Variants in KCNH7 observed in about 807,000 individuals in gnomAD.
The protein encoded by KCNH7 is potassium voltage-gated channel subfamily H member 7.
A neutral mutation model predicts 120.8 loss-of-function variants in KCNH7; 49 were observed. The observed-to-expected ratio is 0.41, with a 90% CI of 0.32 to 0.51. The LOEUF (loss-of-function observed/expected upper bound fraction) is 0.51, where lower values mean the gene tolerates loss of function less well. Among genes scored for constraint, KCNH7 ranks in the 20% least tolerant of loss-of-function variants. The pLI is 0.38. For synonymous variants in KCNH7, 547 were observed against 516.1 expected, an observed-to-expected ratio of 1.06 and a Z score of -0.81; for missense variants, 1,097 against 1,446.6, an observed-to-expected ratio of 0.76 and a Z score of 3.92.
chr2:162,431,427 C>T (rs1003343338), intron 8 of KCNH7, among the ~76,000 whole-genome samples: 1 of 151,832 alleles, frequency 6.6e-6, no homozygotes, highest in Non-Finnish European at 1.5e-5. Flanking sequence ...TTAGATTTAA[C>T]TGGGAATATC....
At chr2:162,749,387 C>T (rs1043418218) in intron 2 of KCNH7, among the ~76,000 whole-genome samples, 1 of 152,050 alleles carries the variant, frequency 6.6e-6, no homozygotes, top group Non-Finnish European at 1.5e-5. Context: ...ATTAGATACT[C>T]CTCTAGATTC....
At chr2:162,457,553 A>G (rs1412385238) in intron 6 of KCNH7, among the ~76,000 whole-genome samples, 4 of 152,296 alleles carry the variant, frequency 2.6e-5, no homozygotes, top group Admixed American at 2.6e-4. Flanking sequence ...AAACAGAACT[A>G]TTTATTCAAT....
intron 2 of KCNH7, among the ~76,000 whole-genome samples, chr2:162,551,166 G>A (rs748166993): frequency 4.6e-5 from 7 of 152,094 alleles, no homozygotes; most frequent in Non-Finnish European, 8.8e-5. Flanking sequence ...ATCAGAAGGC[G>A]AGTTCTTAAT....
chr2:162,601,399 CTTTTTT>C (rs60201823), intron 2 of KCNH7, among the ~76,000 whole-genome samples: 12 of 9,602 alleles, frequency 1.2e-3, no homozygotes, highest in Admixed American at 8.6e-3. Flanking sequence ...ACTTCTTGTG[CTTTTTT>C]TTTTTTTTTT....
At chr2:162,536,002 C>G (rs992110676) in intron 3 of KCNH7, among the ~76,000 whole-genome samples, 1 of 151,656 alleles carries the variant, frequency 6.6e-6, no homozygotes, top group African/African-American at 2.4e-5. Context: ...GCACTATACA[C>G]CAAAATAAGC....
intron 3 of KCNH7, among the ~76,000 whole-genome samples, chr2:162,524,414 G>T (rs1558994058): frequency 1.3e-5 from 2 of 151,994 alleles, no homozygotes; most frequent in Admixed American, 6.6e-5. Flanking sequence ...TGGAACAGCT[G>T]GTATTTCCAG....
intron 2 of KCNH7, among the ~76,000 whole-genome samples, chr2:162,567,884 C>A (rs1485966): frequency 0.52 from 78,549 of 151,852 alleles, 20,554 homozygotes; most frequent in Middle Eastern, 0.62. Flanking sequence ...CATATTTTTA[C>A]TGCACATTTT....
At chr2:162,422,935 A>T (rs1027673402) in intron 9 of KCNH7, among the ~76,000 whole-genome samples, 1 of 152,104 alleles carries the variant, frequency 6.6e-6, no homozygotes, top group African/African-American at 2.4e-5. Context: ...TTAACCTGGG[A>T]TCTCTGTTTG....
At chr2:162,733,947 T>C (rs1687815408) in intron 2 of KCNH7, among the ~76,000 whole-genome samples, 1 of 152,328 alleles carries the variant, frequency 6.6e-6, no homozygotes, top group Non-Finnish European at 1.5e-5. Flanking sequence ...CTTTACCTCA[T>C]TTAAACCACC....
chr2:162,531,863 G>A lies in KCNH7; in HGVS notation c.463+5062C>T, dbSNP rs1012799726. 4.6e-5 allele frequency among the ~76,000 whole-genome samples: 7 copies of A among 152,032 alleles called. No individual in the cohort carries two copies. The South Asian group carries it at 1.2e-3, about 27-fold the overall frequency. On this transcript the variant is annotated intron_variant, in intron 3 of 15. Coordinates refer to ENST00000332142, the MANE Select transcript of KCNH7 (RefSeq NM_033272.4). ...TAAGAAAAATTATCAGCTGAGGTAT[G>A]TTTGATTTGGTATTATACTTAGGTT... is the stretch of plus-strand genomic sequence containing the variant.
chr2:162,523,334 C>G (rs1345082564), intron 3 of KCNH7, among the ~76,000 whole-genome samples: 1 of 151,888 alleles, frequency 6.6e-6, no homozygotes, highest in Non-Finnish European at 1.5e-5. Flanking sequence ...CTAAGATCCC[C>G]TAAGATTAGT....
chr2:162,491,448 C>G (rs1360477183), intron 6 of KCNH7, among the ~76,000 whole-genome samples: 1 of 152,128 alleles, frequency 6.6e-6, no homozygotes, highest in Non-Finnish European at 1.5e-5. Flanking sequence ...GAGGGGGACC[C>G]AGCTCCACAG....
chr2:162,541,911 G>C (rs568081024), intron 2 of KCNH7, among the ~76,000 whole-genome samples: 1 of 152,208 alleles, frequency 6.6e-6, no homozygotes, highest in Admixed American at 6.5e-5. Context: ...ATTTCAAAAG[G>C]AGGACTTGAG....
chr2:162,653,962 C>T (rs1684653765), intron 2 of KCNH7, among the ~76,000 whole-genome samples: 1 of 151,998 alleles, frequency 6.6e-6, no homozygotes, highest in Non-Finnish European at 1.5e-5. Context: ...TAAAATTAGA[C>T]CCTTAAATCA....
chr2:162,635,348 T>G (rs1683917589), intron 2 of KCNH7, among the ~76,000 whole-genome samples: 1 of 152,038 alleles, frequency 6.6e-6, no homozygotes, highest in African/African-American at 2.4e-5. Flanking sequence ...AATAAATAAT[T>G]ATAATAATAA....
chr2:162,372,143 T>C (rs767329936), intron 15 of KCNH7, 48 bp from the exon 16 acceptor site: 21 of 1,438,080 alleles, frequency 1.5e-5, no homozygotes, highest in Admixed American at 1.4e-4. Context: ...CATTGATAGA[T>C]AGTCATTGAA....
intron 2 of KCNH7, among the ~76,000 whole-genome samples, chr2:162,623,781 GT>G (rs564743538): frequency 4.7e-4 from 72 of 152,208 alleles, no homozygotes; most frequent in African/African-American, 1.4e-3. Context: ...AATGCGCCTG[GT>G]ACACATGATA....
intron 2 of KCNH7, among the ~76,000 whole-genome samples, chr2:162,614,117 C>T (rs1252865967): frequency 2.0e-5 from 3 of 152,012 alleles, no homozygotes; most frequent in Non-Finnish European, 2.9e-5. Flanking sequence ...CAAAGCAATT[C>T]TTTTCCAAAG....
Position 162,407,130 on chromosome 2 carries a change from A to G in KCNH7, c.2155-6689T>C, listed in dbSNP as rs139432144. ...CAGATTGTTGTCAAAGCAGAGCATT[A>G]TGGAATCCACAACTGTGGGAATATT... On this transcript the variant is annotated intron_variant, in intron 9 of 15. Transcript: ENST00000332142. Among the ~76,000 whole-genome samples, 5 of 152,174 alleles carry G rather than the reference A, an allele frequency of 3.3e-5. No individual in the cohort carries two copies. The East Asian group carries it at 9.7e-4, about 30-fold the overall frequency.
Sources: gnomAD v4.1 joint callset for allele counts (sites outside exome capture counted in the v4.1 genomes callset) on GRCh38, gnomAD v4.1.1 for gene constraint, MANE v1.5 for transcripts, NCBI Gene and HGNC (gene_info 2026-07-23, HGNC 2026-07-21) for gene names.